SPOCK1: variants seen among roughly 807,000 people sequenced by gnomAD.
The protein encoded by SPOCK1 is SPARC (osteonectin), cwcv and kazal like domains proteoglycan 1.
A neutral mutation model predicts 55.3 loss-of-function variants in SPOCK1; 23 were observed. The observed-to-expected ratio is 0.42, with a 90% CI of 0.30 to 0.59. The LOEUF is 0.59. SPOCK1 is among the 20% of genes least tolerant of loss of function. The pLI, the probability that SPOCK1 is intolerant of heterozygous loss-of-function variation, is 0.22. For missense variants in SPOCK1, 499 were observed against 552.5 expected, an observed-to-expected ratio of 0.90 and a Z score of 0.97; for synonymous variants, 226 against 221.0, an observed-to-expected ratio of 1.02 and a Z score of -0.20.
At chr5:137,312,264 C>A (rs1757801360) in intron 2 of SPOCK1, among the ~76,000 whole-genome samples, 1 of 152,210 alleles carries the variant, frequency 6.6e-6, no homozygotes, top group African/African-American at 2.4e-5. Context: ...AGGCAGCCTG[C>A]TGTCAGGAGA....
chr5:137,059,421 A>G (rs1752357273), intron 6 of SPOCK1, among the ~76,000 whole-genome samples: 1 of 152,224 alleles, frequency 6.6e-6, no homozygotes, highest in Non-Finnish European at 1.5e-5. Flanking sequence ...TTGAAGGTAA[A>G]TGCAAAATAA....
intron 2 of SPOCK1, among the ~76,000 whole-genome samples, chr5:137,374,084 C>A (rs1398084754): frequency 6.6e-6 from 1 of 152,222 alleles, no homozygotes; most frequent in Admixed American, 6.5e-5. Flanking sequence ...GATTAAATAA[C>A]ACATCTAATG....
chr5:137,117,205 T>A (rs183595302), intron 4 of SPOCK1, among the ~76,000 whole-genome samples: 51 of 152,324 alleles, frequency 3.3e-4, no homozygotes, highest in African/African-American at 1.2e-3. Context: ...CAGCCAGCCA[T>A]ATCTACCACT....
intron 3 of SPOCK1, among the ~76,000 whole-genome samples, chr5:137,160,480 T>G (rs187655139): frequency 7.5e-5 from 8 of 106,330 alleles, no homozygotes; most frequent in Non-Finnish European, 1.5e-4. Context: ...TCAGTTGAAA[T>G]GCAGCCAACA....
chr5:137,389,926 C>A (rs1047984379), intron 2 of SPOCK1, among the ~76,000 whole-genome samples: 1 of 152,150 alleles, frequency 6.6e-6, no homozygotes, highest in Admixed American at 6.5e-5. Context: ...ATTCAGCATG[C>A]AGGGATACCA....
At chr5:137,440,556 C>G (rs1246729335) in intron 2 of SPOCK1, among the ~76,000 whole-genome samples, 2 of 152,172 alleles carry the variant, frequency 1.3e-5, no homozygotes, top group Non-Finnish European at 2.9e-5. Flanking sequence ...AAAATGATCT[C>G]TCCAACTTAA....
chr5:136,984,044 A>C (rs1053299184), intron 9 of SPOCK1, among the ~76,000 whole-genome samples: 4 of 152,216 alleles, frequency 2.6e-5, no homozygotes, highest in African/African-American at 9.6e-5. Flanking sequence ...GAGATCAATA[A>C]ACAAACACAA....
chr5:137,084,909 G>T (rs1752933626), intron 5 of SPOCK1, among the ~76,000 whole-genome samples: 1 of 133,722 alleles, frequency 7.5e-6, no homozygotes, highest in African/African-American at 2.7e-5. Flanking sequence ...CAAAGCACTT[G>T]CTTTGGGATC....
intron 3 of SPOCK1, among the ~76,000 whole-genome samples, chr5:137,265,196 T>C (rs1371380278): frequency 1.3e-5 from 2 of 152,244 alleles, no homozygotes; most frequent in Non-Finnish European, 2.9e-5. Context: ...CTATCATTTA[T>C]ATCCCAAGTG....
chr5:137,052,785 TA>T (rs911441045), intron 6 of SPOCK1, among the ~76,000 whole-genome samples: 1 of 152,206 alleles, frequency 6.6e-6, no homozygotes, highest in African/African-American at 2.4e-5. Context: ...AATAGTATTT[TA>T]TTATATTCAG....
chr5:137,212,953 G>C (rs1755645619), intron 3 of SPOCK1, among the ~76,000 whole-genome samples: 1 of 152,152 alleles, frequency 6.6e-6, no homozygotes, highest in Admixed American at 6.5e-5. Flanking sequence ...CTGCTGACCA[G>C]GGGGCAGGTG....
chr5:137,400,092 G>A (rs1751943529), intron 2 of SPOCK1, among the ~76,000 whole-genome samples: 1 of 152,206 alleles, frequency 6.6e-6, no homozygotes, highest in Non-Finnish European at 1.5e-5. Context: ...GCAAAAGCCT[G>A]GCTTGCACAC....
intron 4 of SPOCK1, among the ~76,000 whole-genome samples, chr5:137,128,624 A>G (rs1363150478): frequency 3.9e-5 from 6 of 152,350 alleles, no homozygotes; most frequent in East Asian, 1.9e-4. Context: ...TACACAGAAG[A>G]TGGGTTTGGG....
intron 2 of SPOCK1, among the ~76,000 whole-genome samples, chr5:137,356,838 T>TATATATGGAG (rs1554077335): frequency 5.5e-4 from 3 of 5,454 alleles, no homozygotes; most frequent in Non-Finnish European, 3.1e-4. Flanking sequence ...TATATATATA[T>TATATATGGAG]AGAGAGAGAG....
At chr5:137,326,022 T>G (rs1179375155) in intron 2 of SPOCK1, among the ~76,000 whole-genome samples, 1 of 152,204 alleles carries the variant, frequency 6.6e-6, no homozygotes, top group African/African-American at 2.4e-5. Context: ...GGAGTACCTA[T>G]TTCCCTACAT....
intron 6 of SPOCK1, among the ~76,000 whole-genome samples, chr5:137,007,119 A>G (rs188800501): frequency 1.3e-5 from 2 of 152,286 alleles, no homozygotes; most frequent in East Asian, 3.9e-4. Flanking sequence ...CCCCTTCCTT[A>G]CACCTCATAC....
chr5:137,302,540 G>A (rs893649310), intron 2 of SPOCK1, among the ~76,000 whole-genome samples: 1 of 151,762 alleles, frequency 6.6e-6, no homozygotes, highest in Admixed American at 6.6e-5. Flanking sequence ...TTGTGCCATT[G>A]CACTCCAGCC....
intron 2 of SPOCK1, among the ~76,000 whole-genome samples, chr5:137,377,785 CAATGGACAGGTTCCAAGATCAACA>C (rs1188624992): frequency 4.1e-4 from 62 of 152,172 alleles, no homozygotes; most frequent in Admixed American, 3.5e-3. Context: ...ACATTCTCTA[CAATGGACAGGTTCCAAGATCAACA>C]AATGAATCAA....
chr5:137,431,530 G>C (rs993423960), intron 2 of SPOCK1, among the ~76,000 whole-genome samples: 1 of 152,192 alleles, frequency 6.6e-6, no homozygotes, highest in Admixed American at 6.5e-5. Context: ...TTTGATCCCC[G>C]GTGTGGTGGT....
Sources: gnomAD v4.1 joint callset for allele counts (sites outside exome capture counted in the v4.1 genomes callset) on GRCh38, gnomAD v4.1.1 for gene constraint, MANE v1.5 for transcripts, NCBI Gene and HGNC (gene_info 2026-07-23, HGNC 2026-07-21) for gene names.